Variants in CUL1 observed in about 807,000 individuals in gnomAD.
CUL1 encodes cullin-1.
CUL1 carries 24 observed loss-of-function variants against 118.0 expected under a neutral mutation model. That is an observed-to-expected ratio of 0.20 (90% CI 0.15 to 0.29). The LOEUF is 0.29. CUL1 is among the 10% of genes least tolerant of loss of function. The pLI, the probability that CUL1 is intolerant of heterozygous loss-of-function variation, is 1.00. For missense variants in CUL1, 361 were observed against 933.8 expected (o/e 0.39, Z 7.99); for synonymous variants, 332 against 340.4 (o/e 0.98, Z 0.27).
chr7:148,740,078 GT>G (rs1306057522), intron 2 of CUL1, among the ~76,000 whole-genome samples: 5 of 148,300 alleles, frequency 3.4e-5, no homozygotes, highest in Non-Finnish European at 5.9e-5. Context: ...TTTTGAGACA[GT>G]TTTGCTGTTT....
At chr7:148,776,307 CTTTTTTTTTTTTTTT>C (rs746777462) in intron 9 of CUL1, among the ~76,000 whole-genome samples, 5 of 40,690 alleles carry the variant, frequency 1.2e-4, no homozygotes, top group South Asian at 1.2e-3. Flanking sequence ...CATAACCAGG[CTTTTTTTTTTTTTTT>C]TTTTTTTTTT....
At chr7:148,796,344 TC>T (rs1357867992) in intron 17 of CUL1, among the ~76,000 whole-genome samples, 4 of 152,316 alleles carry the variant, frequency 2.6e-5, no homozygotes, top group African/African-American at 9.6e-5. Flanking sequence ...TAATCCTTTT[TC>T]TATGTTGTTG....
chr7:148,799,986 C>T (rs1399696769), intron 21 of CUL1, among the ~76,000 whole-genome samples: 1 of 152,170 alleles, frequency 6.6e-6, no homozygotes, highest in African/African-American at 2.4e-5. Context: ...TTTCCTTTTC[C>T]TAAACCACTT....
chr7:148,729,127 CTTTA>C (rs557090797), intron 1 of CUL1, among the ~76,000 whole-genome samples: 87 of 152,280 alleles, frequency 5.7e-4, no homozygotes, highest in Non-Finnish European at 9.3e-4. Flanking sequence ...ACCTAAGTTA[CTTTA>C]TTTATGTGTC....
In CUL1 at chr7:148,796,700, C is replaced by A. The variant is rs182804035; in HGVS notation, c.1900-1112C>A. The stretch of plus-strand genomic sequence containing the variant: ...GGCTGCTTCTGATCAGGATTTTAGG[C>A]CAGTCTCCTGAGTGGTTCTCAGTGT... On this transcript the variant is annotated intron_variant, in intron 17 of 21. Coordinates refer to ENST00000325222, the MANE Select transcript of CUL1 (RefSeq NM_003592.3). Among the ~76,000 whole-genome samples the A allele has an allele frequency of 7.9e-5, 12 of 152,204 alleles. No individual in the cohort carries two copies. In the East Asian group the frequency reaches 2.3e-3, roughly 29 times the overall value.
chr7:148,741,362 C>T (rs1042670777), intron 2 of CUL1, among the ~76,000 whole-genome samples: 35 of 152,214 alleles, frequency 2.3e-4, no homozygotes, highest in African/African-American at 8.4e-4. Context: ...ATTACTTTCC[C>T]ACCAGCAGTG....
intron 1 of CUL1, among the ~76,000 whole-genome samples, chr7:148,729,719 A>G (rs185054068): frequency 1.3e-5 from 2 of 152,348 alleles, no homozygotes; most frequent in South Asian, 2.1e-4. Context: ...AAGGCAACAT[A>G]GTTGTGCTTG....
intron 1 of CUL1, among the ~76,000 whole-genome samples, chr7:148,708,620 C>G (rs959622663): frequency 6.6e-6 from 1 of 152,162 alleles, no homozygotes; most frequent in Non-Finnish European, 1.5e-5. Context: ...CTTTGCAGCC[C>G]TTTGCCACAA....
intron 1 of CUL1, among the ~76,000 whole-genome samples, chr7:148,703,378 T>G (rs535937442): frequency 6.6e-6 from 1 of 152,328 alleles, no homozygotes; most frequent in African/African-American, 2.4e-5. Context: ...TGCAAAAATT[T>G]ATAAAACCAT....
intron 2 of CUL1, among the ~76,000 whole-genome samples, chr7:148,749,995 G>A (rs1203240160): frequency 6.6e-6 from 1 of 152,228 alleles, no homozygotes; most frequent in African/African-American, 2.4e-5. Context: ...ACCAGTCACA[G>A]CATTCCCTTA....
intron 17 of CUL1, among the ~76,000 whole-genome samples, chr7:148,793,509 C>G (rs1205335658): frequency 6.6e-6 from 1 of 152,182 alleles, no homozygotes; most frequent in Non-Finnish European, 1.5e-5. Context: ...ATCAATTTGC[C>G]TACTCCAGAC....
At chr7:148,717,289 T>C (rs1429296726) in intron 1 of CUL1, among the ~76,000 whole-genome samples, 1 of 152,142 alleles carries the variant, frequency 6.6e-6, no homozygotes, top group Admixed American at 6.5e-5. Flanking sequence ...ACTCCTGACC[T>C]CAGGTGATCT....
At chr7:148,753,876 A>T (rs1309682216) in intron 2 of CUL1, 100 bp from the exon 3 acceptor site, 12 of 843,190 alleles carry the variant, frequency 1.4e-5, no homozygotes, top group Non-Finnish European at 2.1e-5. Flanking sequence ...TTTGGTTGAT[A>T]TATTGGGAAT....
rs759012801 is a variant in CUL1, at chr7:148,797,868, G to GC, written c.1947+10dup. 6.2e-7 allele frequency: 1 copy of GC among 1,613,166 alleles called. No homozygotes were observed. Among genetic ancestry groups the GC allele is most frequent in the South Asian group, 1.1e-5 (1 of 90,894 alleles). On this transcript the variant is annotated intron_variant, in intron 18 of 21. Transcript: ENST00000325222. Reference sequence around the variant, plus strand: ...TAAAGTCGAAGCTATTGGTAGGTTTGCGCCCTTTTATCTTACACTAGAAGA... The same window carrying GC: ...TAAAGTCGAAGCTATTGGTAGGTTTGCCGCCCTTTTATCTTACACTAGAAGA...
intron 1 of CUL1, among the ~76,000 whole-genome samples, chr7:148,705,703 A>G (rs577796105): frequency 7.9e-5 from 12 of 152,324 alleles, no homozygotes; most frequent in African/African-American, 1.4e-4. Flanking sequence ...GATGATGTCA[A>G]TAAACCAGAC....
chr7:148,727,227 G>A (rs2129459519), intron 1 of CUL1, among the ~76,000 whole-genome samples: 1 of 152,254 alleles, frequency 6.6e-6, no homozygotes, highest in South Asian at 2.1e-4. Flanking sequence ...TACATTTGCA[G>A]TGACCAAAAT....
At position 148,787,151 on chromosome 7, in the gene CUL1, G is replaced by A. The variant is rs1053096300; in HGVS notation, c.1479+31G>A. 1 of 1,609,918 alleles carries A rather than the reference G, an allele frequency of 6.2e-7. No homozygotes were observed. The highest frequency in any genetic ancestry group is 1.3e-5 in the African/African-American group (1 of 74,698). The stretch of plus-strand genomic sequence containing the variant: ...TTTCATCTTTTCCTGAAAAATCCCA[G>A]CTTCTGAGTCATTATTAAAACAGCT... On this transcript the variant is annotated intron_variant, in intron 13 of 21. Coordinates refer to ENST00000325222, the MANE Select transcript of CUL1 (RefSeq NM_003592.3). This position sits in a 1 kb window ranked among gnomAD's most constrained non-coding sequence, Gnocchi z 5.5.
intron 9 of CUL1, among the ~76,000 whole-genome samples, chr7:148,778,236 A>G (rs755707137): frequency 4.4e-4 from 67 of 152,224 alleles, no homozygotes; most frequent in Middle Eastern, 6.8e-3. Context: ...GATACAGTAG[A>G]AAAGGCCTAT....
intron 16 of CUL1, among the ~76,000 whole-genome samples, chr7:148,792,128 G>A (rs1584822155): frequency 6.6e-6 from 1 of 151,720 alleles, no homozygotes. Context: ...GGAGGTTGCA[G>A]TGAGTCGAGA....
Sources: gnomAD v4.1 joint callset for allele counts (sites outside exome capture counted in the v4.1 genomes callset) on GRCh38, gnomAD v4.1.1 for gene constraint, Gnocchi (gnomAD v3.1) non-coding constraint, MANE v1.5 for transcripts, NCBI Gene and HGNC (gene_info 2026-07-23, HGNC 2026-07-21) for gene names.